The following ZFYVE16 variants were observed in gnomAD, a reference collection of about 807,000 sequenced individuals.
ZFYVE16 encodes the protein zinc finger FYVE-type containing 16.
ZFYVE16 carries 89 observed loss-of-function variants against 138.1 expected under a neutral mutation model. The observed-to-expected ratio is 0.64, with a 90% CI of 0.54 to 0.77. The LOEUF (loss-of-function observed/expected upper bound fraction) is 0.77, where lower values mean the gene tolerates loss of function less well. Among genes scored for constraint, ZFYVE16 ranks in the 30% least tolerant of loss-of-function variants. The probability of loss-of-function intolerance (pLI) is 0.00; values close to 1 mark genes in which losing one functional copy is unlikely to be tolerated. For missense variants in ZFYVE16, 1,793 were observed against 1,786.7 expected, an observed-to-expected ratio of 1.00 and a Z score of -0.06; for synonymous variants, 596 against 618.3, an observed-to-expected ratio of 0.96 and a Z score of 0.53.
chr5:80,435,870 T>C, intron 3 of ZFYVE16: 1 of 212,648 alleles, frequency 4.7e-6, no homozygotes, highest in South Asian at 4.6e-5. Context: ...CCACCATTCC[T>C]GGCCACAACT....
At chr5:80,429,126 G>A (rs534743950) in intron 2 of ZFYVE16, among the ~76,000 whole-genome samples, 1 of 152,264 alleles carries the variant, frequency 6.6e-6, no homozygotes, top group South Asian at 2.1e-4. Flanking sequence ...TACTCCTCGA[G>A]AAGAGCAACT....
Position 80,474,667 on chromosome 5 carries a change from T to A in ZFYVE16, c.4298T>A (p.Phe1433Tyr). ...DEKIVKCTEV[F>Y]YFLKDQDLSI... is the part of the protein sequence containing the mutation. ...TCCTAATTAAATACATTTCAGGTGT[T>A]CTACTTTCTAAAGGACCAGGATTTA... is the stretch of plus-strand genomic sequence containing the variant. The change falls in exon 18 of 19, where the codon TTC becomes TAC. Residue 1433 changes from phenylalanine (F) to tyrosine (Y), a missense_variant. Around this residue, in one of 2 missense-constraint regions of ZFYVE16, gnomAD observed 498 missense variants for 582.4 expected, o/e 0.86. Transcript: ENST00000505560. 1 of 1,607,828 alleles carries A rather than the reference T, an allele frequency of 6.2e-7. No individual in the cohort carries two copies. The highest frequency in any genetic ancestry group is 1.7e-4 in the Middle Eastern group (1 of 6,006).
In ZFYVE16 at chr5:80,449,575, T is replaced by C. The variant is rs1447143395; in HGVS notation, c.3104-16T>C. On this transcript the variant is annotated splice_polypyrimidine_tract_variant and intron_variant, in intron 8 of 18. Coordinates refer to ENST00000505560, the MANE Select transcript of ZFYVE16 (RefSeq NM_001284236.3). Reference sequence around the variant, plus strand: ...AGGATATTTATCCTGATTAATATATTACTTTCATCATTTAGTGCCTGTAGT... The same window carrying C: ...AGGATATTTATCCTGATTAATATATCACTTTCATCATTTAGTGCCTGTAGT... 4 of 1,600,368 alleles carry C rather than the reference T, an allele frequency of 2.5e-6. No individual in the cohort carries two copies. Among genetic ancestry groups the C allele is most frequent in the African/African-American group, 2.7e-5 (2 of 74,310 alleles).
In ZFYVE16 at chr5:80,456,468, G is replaced by A. The variant is rs376948348; in HGVS notation, c.3698G>A (p.Arg1233Gln). 24 of 1,610,436 alleles carry A rather than the reference G, an allele frequency of 1.5e-5. No homozygotes were observed. Among genetic ancestry groups the A allele is most frequent in the Middle Eastern group, 1.6e-4 (1 of 6,064 alleles). Residue 1233 changes from arginine (R) to glutamine (Q), a missense_variant, in exon 13 of 19, where the codon CGA becomes CAA. Around this residue, in one of 2 missense-constraint regions of ZFYVE16, gnomAD observed 498 missense variants for 582.4 expected, o/e 0.86. Coordinates refer to ENST00000505560, the MANE Select transcript of ZFYVE16 (RefSeq NM_001284236.3). ...HTIMNLLVDL[R>Q]NYQYTLHNID... is the part of the protein sequence containing the mutation. ...TGCAATTATTCTATGTAGGACCTTCGAAATTACCAGTATACCTTGCATAAT... is the reference window on the plus strand; with the variant it reads ...TGCAATTATTCTATGTAGGACCTTCAAAATTACCAGTATACCTTGCATAAT...
Position 80,451,521 on chromosome 5 carries a change from C to G in ZFYVE16, c.3419C>G (p.Thr1140Ser), listed in dbSNP as rs755870508. 1.9e-6 allele frequency: 3 copies of G among 1,613,304 alleles called. No individual in the cohort carries two copies. Among genetic ancestry groups the G allele is most frequent in the African/African-American group, 1.3e-5 (1 of 74,886 alleles). The change falls in exon 11 of 19, where the codon ACT (threonine) becomes AGT (serine). Residue 1140 changes from threonine to serine, a missense_variant. This residue lies in a region of ZFYVE16 where 498 missense variants were observed against 582.4 expected (regional missense o/e 0.86). Transcript: ENST00000505560. Reference sequence around the variant, plus strand: ...GAAAACTTGGACAATATTACCTTTACTGAGAGTTTTCTCAGTAGCAAGGAT... The same window carrying G: ...GAAAACTTGGACAATATTACCTTTAGTGAGAGTTTTCTCAGTAGCAAGGAT... The part of the protein sequence containing the change: ...YIENLDNITF[T>S]ESFLSSKDHG...
At chr5:80,427,971 C>CAAAA (rs386404254) in intron 2 of ZFYVE16, among the ~76,000 whole-genome samples, 40,112 of 48,126 alleles carry the variant, frequency 0.83, 17,821 homozygotes, top group Middle Eastern at 0.95. Flanking sequence ...GACTCCATCT[C>CAAAA]AAAAAAAAAA....
At chr5:80,461,072 AAAATCTG>A (rs1290382521) in intron 15 of ZFYVE16, among the ~76,000 whole-genome samples, 1 of 152,230 alleles carries the variant, frequency 6.6e-6, no homozygotes, top group Non-Finnish European at 1.5e-5. Flanking sequence ...TCCAAATCCA[AAAATCTG>A]AAATCTGAAA....
At chr5:80,433,537 G>A (rs983354439) in intron 2 of ZFYVE16, among the ~76,000 whole-genome samples, 2 of 151,848 alleles carry the variant, frequency 1.3e-5, no homozygotes, top group African/African-American at 2.4e-5. Flanking sequence ...GTATACATAC[G>A]TTAACAAACC....
chr5:80,444,502 C>G (rs1751082618), intron 6 of ZFYVE16, among the ~76,000 whole-genome samples: 1 of 150,324 alleles, frequency 6.7e-6, no homozygotes, highest in Admixed American at 6.6e-5. Context: ...TCGTAACCTT[C>G]CTCTATGGAT....
rs567915189 is a variant in ZFYVE16, at chr5:80,437,101, C to T, written c.416C>T (p.Ala139Val). 6.2e-7 allele frequency: 1 copy of T among 1,614,040 alleles called. No individual in the cohort carries two copies. Among genetic ancestry groups the T allele is most frequent in the African/African-American group, 1.3e-5 (1 of 75,046 alleles). The change falls in exon 4 of 19, where the codon GCA becomes GTA. Residue 139 changes from alanine (A) to valine (V), a missense_variant. This residue lies in a region of ZFYVE16 where 1,295 missense variants were observed against 1,204.3 expected (regional missense o/e 1.08). Coordinates refer to ENST00000505560, the MANE Select transcript of ZFYVE16 (RefSeq NM_001284236.3). ...LISDMGNLVH[A>V]TNSEEDIKKL... ...AGTGACATGGGTAACTTAGTTCATG[C>T]AACCAATAGTGAAGAAGATATTAAA... is the stretch of plus-strand genomic sequence containing the variant.
intron 8 of ZFYVE16, 60 bp from the exon 9 acceptor site, chr5:80,449,531 A>G: frequency 1.3e-6 from 2 of 1,530,588 alleles, no homozygotes; most frequent in Non-Finnish European, 1.7e-6. Flanking sequence ...TGTTTTTTTC[A>G]TTTGTAAGCA....
chr5:80,472,923 G>A lies in ZFYVE16; in HGVS notation c.4187G>A (p.Gly1396Glu). The A allele has an allele frequency of 1.3e-6, 2 of 1,581,966 alleles. No individual in the cohort carries two copies. The highest frequency in any genetic ancestry group is 1.7e-6 in the Non-Finnish European group (2 of 1,165,166). ...GATGCTGAAGAAAAAGGAAACAAAGGGTAGGAATTTTTTTATTCTAAAATA... is the reference window on the plus strand; with the variant it reads ...GATGCTGAAGAAAAAGGAAACAAAGAGTAGGAATTTTTTTATTCTAAAATA... ...WVDAEEKGNK[G>E]VISSVDGISL... Residue 1396 changes from glycine to glutamate, a missense_variant and splice_region_variant, in exon 16 of 19, where the codon GGA (glycine) becomes GAA (glutamate). By Grantham distance (98) the Gly-to-Glu change is moderately conservative. Around this residue, in one of 2 missense-constraint regions of ZFYVE16, gnomAD observed 498 missense variants for 582.4 expected, o/e 0.86. Coordinates refer to ENST00000505560, the MANE Select transcript of ZFYVE16 (RefSeq NM_001284236.3).
At chr5:80,426,293 T>TATATATATATATATATAAATAA (rs1402433567) in intron 1 of ZFYVE16, among the ~76,000 whole-genome samples, 1 of 88,716 alleles carries the variant, frequency 1.1e-5, no homozygotes, top group African/African-American at 3.3e-5. Context: ...TATATATATA[T>TATATATATATATATATAAATAA]AATTAAATTT....
At chr5:80,428,217 G>C (rs1748428285) in intron 2 of ZFYVE16, among the ~76,000 whole-genome samples, 1 of 152,108 alleles carries the variant, frequency 6.6e-6, no homozygotes. Flanking sequence ...AGTAGGGGCA[G>C]ACTGACAACT....
At chr5:80,420,295 ATTATTATTTT>A (rs1285078953) in intron 1 of ZFYVE16, among the ~76,000 whole-genome samples, 3 of 151,558 alleles carry the variant, frequency 2.0e-5, no homozygotes, top group Non-Finnish European at 4.4e-5. Flanking sequence ...ATTATTATTT[ATTATTATTTT>A]TTATTATACT....
At chr5:80,430,290 C>G (rs1300947824) in intron 2 of ZFYVE16, among the ~76,000 whole-genome samples, 1 of 151,866 alleles carries the variant, frequency 6.6e-6, no homozygotes, top group Non-Finnish European at 1.5e-5. Context: ...GAAACTCACT[C>G]AAAACTGCTC....
chr5:80,438,231 T>C lies in ZFYVE16; in HGVS notation c.1546T>C (p.Phe516Leu). ...TATGGATGGGCAAGACTTAGATTAC[T>C]TTAATATTGATGAAGGCGCAAAAAG... ...NDMDGQDLDY[F>L]NIDEGAKSGP... is the part of the protein sequence containing the mutation. The change falls in exon 4 of 19, where the codon TTT becomes CTT. Residue 516 changes from phenylalanine (F) to leucine (L), a missense_variant. Phe to Leu is a conservative substitution (Grantham distance 22). Around this residue, in one of 2 missense-constraint regions of ZFYVE16, gnomAD observed 1,295 missense variants for 1,204.3 expected, o/e 1.08. Coordinates refer to ENST00000505560, the MANE Select transcript of ZFYVE16 (RefSeq NM_001284236.3). The C allele has an allele frequency of 6.2e-7, 1 of 1,614,060 alleles. No individual in the cohort carries two copies.
At position 80,482,003 on chromosome 5, in the gene ZFYVE16, T is replaced by C. The variant is rs1303701258; in HGVS notation, c.*4626T>C. ...CCTAGATAATTTTTTGTATTTTTAA[T>C]AGAGACAGAGTTTCACCACGTTGGC... is the stretch of plus-strand genomic sequence containing the variant. On this transcript the variant is annotated 3_prime_UTR_variant, in exon 19 of 19. Coordinates refer to ENST00000505560, the MANE Select transcript of ZFYVE16 (RefSeq NM_001284236.3). Among the ~76,000 whole-genome samples, 1 of 152,154 alleles carries C rather than the reference T, an allele frequency of 6.6e-6. No homozygotes were observed.
intron 15 of ZFYVE16, among the ~76,000 whole-genome samples, chr5:80,470,063 ACG>A (rs779994707): frequency 3.8e-5 from 5 of 130,538 alleles, no homozygotes; most frequent in Admixed American, 7.5e-5. Context: ...GTGTATATAT[ACG>A]TGTGTGTGTG....
Sources: allele counts gnomAD v4.1 joint callset (sites outside exome capture counted in the v4.1 genomes callset), GRCh38; gene constraint gnomAD v4.1.1; regional missense constraint gnomAD v4.1.1; transcripts MANE v1.5; gene names NCBI Gene and HGNC (gene_info 2026-07-23, HGNC 2026-07-21).